Variants in JAZF1 observed in about 807,000 individuals in gnomAD.
JAZF1 encodes the protein JAZF zinc finger 1, also known as juxtaposed with another zinc finger protein 1.
Under a neutral mutation model 26.4 loss-of-function variants are expected in JAZF1, and 8 were observed. The ratio of observed to expected loss-of-function variants is 0.30; its 90% CI spans 0.18 to 0.55. The LOEUF is 0.55. Among genes scored for constraint, JAZF1 ranks in the 20% least tolerant of loss-of-function variants. The pLI, the probability that JAZF1 is intolerant of heterozygous loss-of-function variation, is 0.94. For missense variants in JAZF1, 199 were observed against 322.0 expected (o/e 0.62, Z 2.92); for synonymous variants, 126 against 122.3 (o/e 1.03, Z -0.20).
chr7:27,853,738 A>G (rs1428293373), intron 3 of JAZF1, among the ~76,000 whole-genome samples: 2 of 151,968 alleles, frequency 1.3e-5, no homozygotes, highest in Non-Finnish European at 2.9e-5. Context: ...GGTGTGAGAG[A>G]CAGTTTGTTG....
intron 3 of JAZF1, among the ~76,000 whole-genome samples, chr7:27,855,882 A>C (rs879564153): frequency 1.3e-5 from 2 of 152,220 alleles, no homozygotes; most frequent in African/African-American, 2.4e-5. Flanking sequence ...CATCATCCTG[A>C]TACCAAAAAC....
chr7:28,179,697 G>A (rs1783605949), intron 1 of JAZF1, among the ~76,000 whole-genome samples: 1 of 148,184 alleles, frequency 6.7e-6, no homozygotes, highest in African/African-American at 2.4e-5. Flanking sequence ...CCGGGGCAGG[G>A]GAGGGCACCC....
chr7:28,160,403 T>C (rs76187688), intron 1 of JAZF1, among the ~76,000 whole-genome samples: 8,784 of 152,094 alleles, frequency 0.058, 771 homozygotes, highest in African/African-American at 0.19. Flanking sequence ...GTCCCCCATC[T>C]AGAATGTAGG....
intron 1 of JAZF1, among the ~76,000 whole-genome samples, chr7:28,153,851 C>T (rs1384669766): frequency 6.6e-6 from 1 of 152,170 alleles, no homozygotes; most frequent in Non-Finnish European, 1.5e-5. Flanking sequence ...ATTAGGGGTG[C>T]TTTGGGATGT....
intron 2 of JAZF1, among the ~76,000 whole-genome samples, chr7:27,954,921 C>T (rs1363446643): frequency 6.6e-6 from 1 of 152,116 alleles, no homozygotes; most frequent in Non-Finnish European, 1.5e-5. Flanking sequence ...CCATGCTCAG[C>T]TAATTTTTGT....
At chr7:28,095,501 C>T (rs534426716) in intron 1 of JAZF1, among the ~76,000 whole-genome samples, 66 of 152,238 alleles carry the variant, frequency 4.3e-4, no homozygotes, top group African/African-American at 1.5e-3. Context: ...GGGGAAACCA[C>T]CCCCATGATT....
intron 1 of JAZF1, among the ~76,000 whole-genome samples, chr7:28,174,411 C>G (rs1174804472): frequency 6.6e-6 from 1 of 152,226 alleles, no homozygotes; most frequent in Non-Finnish European, 1.5e-5. Flanking sequence ...CTGTGCCAGC[C>G]TTAAGGTATC....
intron 1 of JAZF1, 103 bp downstream of exon 1, chr7:28,180,360 G>T: frequency 1.4e-6 from 1 of 709,598 alleles, no homozygotes; most frequent in South Asian, 1.6e-5. Flanking sequence ...TCCCCGCCCT[G>T]CCGCCTCCCT....
intron 2 of JAZF1, among the ~76,000 whole-genome samples, chr7:27,918,479 C>T (rs1222391338): frequency 6.6e-6 from 1 of 152,130 alleles, no homozygotes; most frequent in Non-Finnish European, 1.5e-5. Flanking sequence ...GGGCAGAGTT[C>T]ATGTTGTAGG....
chr7:27,866,650 A>AGG (rs1783478724), intron 3 of JAZF1, among the ~76,000 whole-genome samples: 1 of 152,168 alleles, frequency 6.6e-6, no homozygotes, highest in Admixed American at 6.5e-5. Flanking sequence ...CGACCAAGGA[A>AGG]CCACAAAGGC....
intron 1 of JAZF1, among the ~76,000 whole-genome samples, chr7:28,097,612 G>C (rs1366432213): frequency 6.6e-6 from 1 of 152,188 alleles, no homozygotes; most frequent in Non-Finnish European, 1.5e-5. Flanking sequence ...TGGGAGAGCT[G>C]AAGGAGCTGG....
intron 1 of JAZF1, among the ~76,000 whole-genome samples, chr7:28,102,116 A>T (rs1018931891): frequency 1.5e-4 from 23 of 152,102 alleles, no homozygotes; most frequent in African/African-American, 4.6e-4. Flanking sequence ...ATTGCCCAGC[A>T]CCCCCAAGGG....
At chr7:27,865,229 G>A (rs1211765937) in intron 3 of JAZF1, among the ~76,000 whole-genome samples, 3 of 152,172 alleles carry the variant, frequency 2.0e-5, no homozygotes, top group Admixed American at 2.0e-4. Context: ...AATTAGCCAG[G>A]TGCAGTAGCA....
At chr7:27,929,812 G>A (rs1400719747) in intron 2 of JAZF1, among the ~76,000 whole-genome samples, 2 of 152,148 alleles carry the variant, frequency 1.3e-5, no homozygotes, top group Non-Finnish European at 1.5e-5. Flanking sequence ...AAAAATGCAT[G>A]TAATATATGT....
At chr7:28,158,061 G>A (rs1287224621) in intron 1 of JAZF1, among the ~76,000 whole-genome samples, 1 of 151,864 alleles carries the variant, frequency 6.6e-6, no homozygotes, top group Non-Finnish European at 1.5e-5. Flanking sequence ...CCCTGCAGGG[G>A]GAATTATACT....
intron 1 of JAZF1, among the ~76,000 whole-genome samples, chr7:28,058,873 T>C (rs1349146074): frequency 6.6e-6 from 1 of 152,210 alleles, no homozygotes; most frequent in East Asian, 1.9e-4. Context: ...CTTAAAATGC[T>C]CTGCCACTTC....
At chr7:28,005,760 G>A (rs1782690092) in intron 1 of JAZF1, among the ~76,000 whole-genome samples, 1 of 152,080 alleles carries the variant, frequency 6.6e-6, no homozygotes. Flanking sequence ...CTGATGGTGT[G>A]AATTTGGGTG....
intron 1 of JAZF1, among the ~76,000 whole-genome samples, chr7:28,041,726 T>C (rs1206213128): frequency 2.0e-5 from 3 of 152,196 alleles, no homozygotes; most frequent in African/African-American, 4.8e-5. Flanking sequence ...CCTTACTTTT[T>C]ATTAATAAAT....
At chr7:28,106,413 T>C (rs1784554295) in intron 1 of JAZF1, among the ~76,000 whole-genome samples, 1 of 152,112 alleles carries the variant, frequency 6.6e-6, no homozygotes, top group African/African-American at 2.4e-5. Flanking sequence ...AATTACCACA[T>C]GTCATCATTT....
Sources: gnomAD v4.1 joint callset for allele counts (sites outside exome capture counted in the v4.1 genomes callset) on GRCh38, gnomAD v4.1.1 for gene constraint, MANE v1.5 for transcripts, NCBI Gene and HGNC (gene_info 2026-07-23, HGNC 2026-07-21) for gene names.